FHIT: variants seen among roughly 807,000 people sequenced by gnomAD.
The protein encoded by FHIT is fragile histidine triad diadenosine triphosphatase.
Under a neutral mutation model 17.9 loss-of-function variants are expected in FHIT, and 19 were observed. The ratio of observed to expected loss-of-function variants is 1.06; its 90% CI spans 0.74 to 1.56. The LOEUF (loss-of-function observed/expected upper bound fraction) is 1.56. Among genes scored for constraint, FHIT ranks in the 40% most tolerant of loss-of-function variants. The probability of loss-of-function intolerance (pLI) is 0.00; values close to 1 mark genes in which losing one functional copy is unlikely to be tolerated. For missense variants in FHIT, 248 were observed against 189.2 expected (o/e 1.31, Z -1.82); for synonymous variants, 81 against 69.7 (o/e 1.16, Z -0.81).
chr3:60,296,699 G>C (rs1158629121), intron 5 of FHIT, among the ~76,000 whole-genome samples: 6 of 151,890 alleles, frequency 4.0e-5, no homozygotes, highest in African/African-American at 2.4e-5. Flanking sequence ...TCATGCATTT[G>C]ATGCCAAGTC....
At chr3:60,866,802 T>A (rs1704183692) in intron 3 of FHIT, among the ~76,000 whole-genome samples, 1 of 152,168 alleles carries the variant, frequency 6.6e-6, no homozygotes, top group Admixed American at 6.6e-5. Flanking sequence ...TATCTTACCA[T>A]CCAGGCTGTG....
chr3:60,411,134 A>G (rs1702045803), intron 5 of FHIT, among the ~76,000 whole-genome samples: 1 of 152,124 alleles, frequency 6.6e-6, no homozygotes, highest in African/African-American at 2.4e-5. Context: ...ACCATCATAG[A>G]ACGATCTAAG....
chr3:60,254,549 A>G (rs1169407569), intron 5 of FHIT, among the ~76,000 whole-genome samples: 1 of 152,232 alleles, frequency 6.6e-6, no homozygotes, highest in African/African-American at 2.4e-5. Flanking sequence ...CTAACAAAAT[A>G]TAACTAAAAG....
chr3:60,484,499 C>A (rs562434545), intron 5 of FHIT, among the ~76,000 whole-genome samples: 1 of 152,072 alleles, frequency 6.6e-6, no homozygotes, highest in East Asian at 1.9e-4. Context: ...AGAACAGAGG[C>A]CTCAGAAATA....
At chr3:60,963,304 T>C (rs1472693632) in intron 3 of FHIT, among the ~76,000 whole-genome samples, 1 of 152,246 alleles carries the variant, frequency 6.6e-6, no homozygotes, top group Non-Finnish European at 1.5e-5. Flanking sequence ...ATTGCATCTA[T>C]TTGATTCTTC....
At chr3:60,056,879 C>A (rs750141513) in intron 5 of FHIT, among the ~76,000 whole-genome samples, 10 of 152,166 alleles carry the variant, frequency 6.6e-5, no homozygotes, top group Non-Finnish European at 1.3e-4. Flanking sequence ...TCAATCAGAT[C>A]CCCAAAGCCA....
chr3:60,028,545 G>A (rs1436628268), intron 5 of FHIT, among the ~76,000 whole-genome samples: 1 of 152,208 alleles, frequency 6.6e-6, no homozygotes, highest in Non-Finnish European at 1.5e-5. Context: ...TGATCTTCCA[G>A]TGATGAACCC....
At chr3:60,960,998 G>T (rs1177408143) in intron 3 of FHIT, among the ~76,000 whole-genome samples, 1 of 152,214 alleles carries the variant, frequency 6.6e-6, no homozygotes, top group African/African-American at 2.4e-5. Flanking sequence ...GATCCTTGAA[G>T]AATCGCCACA....
chr3:60,191,265 T>TA (rs1702390841), intron 5 of FHIT, among the ~76,000 whole-genome samples: 2 of 152,136 alleles, frequency 1.3e-5, no homozygotes, highest in African/African-American at 4.8e-5. Context: ...AAAATAATGC[T>TA]TAAACACATG....
rs1297411549 is a variant in FHIT at position 60,805,521 on chromosome 3, T to G, written c.-18+16398A>C. On this transcript the variant is annotated intron_variant, in intron 4 of 9. Coordinates refer to ENST00000492590, the MANE Select transcript of FHIT (RefSeq NM_002012.4). ...TTAGGTCCCACCCTTATGACCTCATTTAACATTAATTACCTTTATTTTTAT... is the reference window on the plus strand; with the variant it reads ...TTAGGTCCCACCCTTATGACCTCATGTAACATTAATTACCTTTATTTTTAT... Among the ~76,000 whole-genome samples the G allele has an allele frequency of 4.6e-5, 7 of 152,216 alleles. No homozygotes were observed. The East Asian group carries it at 1.2e-3, about 25-fold the overall frequency.
chr3:60,359,198 G>A (rs746521413), intron 5 of FHIT, among the ~76,000 whole-genome samples: 6 of 151,762 alleles, frequency 4.0e-5, no homozygotes, highest in Non-Finnish European at 7.4e-5. Context: ...GAGTAGACTG[G>A]CTTGACTTCA....
intron 2 of FHIT, among the ~76,000 whole-genome samples, chr3:61,145,061 A>G (rs768563012): frequency 3.3e-5 from 5 of 152,114 alleles, no homozygotes; most frequent in Admixed American, 6.5e-5. Context: ...TAAATTATCT[A>G]TTTTTTAAAT....
chr3:60,561,942 G>GAGAA (rs1419776982), intron 4 of FHIT, among the ~76,000 whole-genome samples: 4 of 145,858 alleles, frequency 2.7e-5, no homozygotes, highest in Non-Finnish European at 4.5e-5. Context: ...AAGAGAAAGA[G>GAGAA]AGAAACAGAG....
intron 5 of FHIT, among the ~76,000 whole-genome samples, chr3:60,034,454 A>T (rs980607425): frequency 6.6e-6 from 1 of 152,258 alleles, no homozygotes; most frequent in Non-Finnish European, 1.5e-5. Context: ...TGCTACATTT[A>T]AACTACTCCA....
chr3:60,261,599 G>T (rs1214303716), intron 5 of FHIT, among the ~76,000 whole-genome samples: 3 of 152,020 alleles, frequency 2.0e-5, no homozygotes. Context: ...CTTCAACATA[G>T]AAACTATCCT....
intron 1 of FHIT, among the ~76,000 whole-genome samples, chr3:61,241,500 A>T (rs1290389713): frequency 6.6e-6 from 1 of 152,216 alleles, no homozygotes; most frequent in Non-Finnish European, 1.5e-5. Flanking sequence ...ACCACATTCC[A>T]CAGACTTCAG....
intron 2 of FHIT, among the ~76,000 whole-genome samples, chr3:61,139,642 G>A (rs952851562): frequency 6.6e-6 from 1 of 152,066 alleles, no homozygotes; most frequent in African/African-American, 2.4e-5. Flanking sequence ...TTTCCTCTAT[G>A]AATTTGAATA....
intron 5 of FHIT, among the ~76,000 whole-genome samples, chr3:60,468,329 A>C (rs1487040492): frequency 6.6e-6 from 1 of 152,002 alleles, no homozygotes; most frequent in African/African-American, 2.4e-5. Flanking sequence ...TACTCCTGCT[A>C]TTTTGTTATT....
intron 5 of FHIT, among the ~76,000 whole-genome samples, chr3:60,079,264 G>C (rs2736775): frequency 6.6e-6 from 1 of 152,142 alleles, no homozygotes; most frequent in Non-Finnish European, 1.5e-5. Context: ...TGCTGTTCTA[G>C]GTCAGGAGCA....
Sources: gnomAD v4.1 joint callset for allele counts (sites outside exome capture counted in the v4.1 genomes callset) on GRCh38, gnomAD v4.1.1 for gene constraint, MANE v1.5 for transcripts, NCBI Gene and HGNC (gene_info 2026-07-23, HGNC 2026-07-21) for gene names.